Variants in XRCC3 observed in about 807,000 individuals in gnomAD.
XRCC3 encodes the protein DNA repair protein XRCC3.
Under a neutral mutation model 29.2 loss-of-function variants are expected in XRCC3, and 34 were observed. That is an observed-to-expected ratio of 1.16 (90% CI 0.88 to 1.55). The LOEUF is 1.55. Ranked by LOEUF, XRCC3 falls within the 40% of genes most tolerant of loss-of-function variation. XRCC3 has a pLI of 0.00. For synonymous variants in XRCC3, 223 were observed against 211.3 expected, an observed-to-expected ratio of 1.06 and a Z score of -0.48; for missense variants, 463 against 467.6, an observed-to-expected ratio of 0.99 and a Z score of 0.09.
At chr14:103,714,575 T>C (rs1057091819) in intron 1 of XRCC3, among the ~76,000 whole-genome samples, 6 of 152,006 alleles carry the variant, frequency 3.9e-5, no homozygotes, top group African/African-American at 1.4e-4. Flanking sequence ...AAGACGCCAC[T>C]GCACTCCACC....
At chr14:103,699,247 T>C in intron 8 of XRCC3, 68 bp from the exon 9 acceptor site, 5 of 1,540,116 alleles carry the variant, frequency 3.2e-6, no homozygotes, top group Non-Finnish European at 4.4e-6. Context: ...CACAGGCTGC[T>C]ACCCGCAGGA....
chr14:103,708,541 C>T lies in XRCC3; in HGVS notation c.174G>A (p.Arg58=). 5 of 1,614,070 alleles carry T rather than the reference C, an allele frequency of 3.1e-6. No individual in the cohort carries two copies. The highest frequency in any genetic ancestry group is 2.2e-5 in the East Asian group (1 of 44,874). Residue 58 remains arginine (R), a synonymous_variant, in exon 5 of 10, where the codon CGG becomes CGA. Coordinates refer to ENST00000555055, the MANE Select transcript of XRCC3 (RefSeq NM_005432.4). ...ACCTACCTGTAAGGATGCTGCTTCC[C>T]CGCAAGTGTAAGGAGGCCGTTCTCA... The part of the protein sequence containing the change: ...HLLRTASLHL[R]GSSILTALQL...
chr14:103,707,234 G>C lies in XRCC3; in HGVS notation c.194-19C>G, dbSNP rs1442363731. 6.5e-7 allele frequency: 1 copy of C among 1,548,286 alleles called. No homozygotes were observed. The highest frequency in any genetic ancestry group is 8.7e-7 in the Non-Finnish European group (1 of 1,146,602). On this transcript the variant is annotated intron_variant, in intron 5 of 9. Coordinates refer to ENST00000555055, the MANE Select transcript of XRCC3 (RefSeq NM_005432.4). ...TGCAGTGCTAAAGGGCAGGGATAGT[G>C]TCAGGCCTGACTCTCCTGGGCCTGC...
At chr14:103,700,366 T>C (rs1020075391) in intron 7 of XRCC3, 3 of 384,910 alleles carry the variant, frequency 7.8e-6, no homozygotes, top group Admixed American at 4.6e-5. Context: ...TGCCGTGGCC[T>C]GTGGGTGCCA....
At chr14:103,714,999 C>G (rs913846814) in intron 1 of XRCC3, among the ~76,000 whole-genome samples, 7 of 152,224 alleles carry the variant, frequency 4.6e-5, no homozygotes, top group African/African-American at 1.7e-4. Flanking sequence ...GATTTTCTTT[C>G]CAAATCAAAG....
chr14:103,700,872 C>T (rs1225272385), intron 7 of XRCC3: 1 of 694,932 alleles, frequency 1.4e-6, no homozygotes, highest in Non-Finnish European at 2.3e-6. Context: ...GGGCTTGGCT[C>T]AGGGTCCCCA....
At chr14:103,706,665 G>A (rs1053917317) in intron 6 of XRCC3, 29 of 415,638 alleles carry the variant, frequency 7.0e-5, no homozygotes, top group African/African-American at 4.1e-4. Context: ...CCCTCCCTGC[G>A]TTGCTGGCTC....
chr14:103,708,157 G>A (rs1488179533), intron 5 of XRCC3: 3 of 368,776 alleles, frequency 8.1e-6, no homozygotes, highest in Non-Finnish European at 1.6e-5. Flanking sequence ...TTTCCCACAC[G>A]TGGTGGTGGG....
chr14:103,698,626 G>A lies in XRCC3; in HGVS notation c.*172C>T, dbSNP rs933918150. 6.0e-6 allele frequency: 4 copies of A among 664,760 alleles called. No homozygotes were observed. The highest frequency in any genetic ancestry group is 5.3e-5 in the South Asian group (3 of 56,440). 41.2% of individuals were successfully genotyped at this position (664,760 alleles called of 1,614,324 possible). On this transcript the variant is annotated 3_prime_UTR_variant, in exon 10 of 10. Coordinates refer to ENST00000555055, the MANE Select transcript of XRCC3 (RefSeq NM_005432.4). ...CAGAACATCCCCCCAGCTCAGATGG[G>A]GGTCAGTCTGTGGCCACCATCTTCG... is the stretch of plus-strand genomic sequence containing the variant.
chr14:103,706,570 TC>T (rs2151937351), intron 6 of XRCC3: 1 of 380,708 alleles, frequency 2.6e-6, no homozygotes, highest in Admixed American at 3.3e-5. Flanking sequence ...AACCCTCGTT[TC>T]ACAGACAGAG....
At chr14:103,703,438 G>A in intron 6 of XRCC3, 111 bp from the exon 7 acceptor site, 1 of 1,308,992 alleles carries the variant, frequency 7.6e-7, no homozygotes, top group South Asian at 1.3e-5. Flanking sequence ...GCCCCTCACA[G>A]GTTCTTTGCC....
chr14:103,705,759 C>T (rs1313841668), intron 6 of XRCC3: 1 of 155,498 alleles, frequency 6.4e-6, no homozygotes, highest in Admixed American at 6.3e-5. Context: ...GTGGGCTTCA[C>T]TGAAAAGGCC....
At chr14:103,710,944 A>G in intron 4 of XRCC3, 89 bp downstream of exon 4, 1 of 1,353,348 alleles carries the variant, frequency 7.4e-7, no homozygotes, top group Middle Eastern at 1.8e-4. Context: ...AAAGGAAGGA[A>G]GGCTTAGCCA....
At chr14:103,708,287 G>A in intron 5 of XRCC3, 1 of 600,740 alleles carries the variant, frequency 1.7e-6, no homozygotes, top group Non-Finnish European at 2.9e-6. Context: ...CATGGAGCAA[G>A]GTCCCCAGGA....
rs1406888523 is a variant in XRCC3 at position 103,699,252 on chromosome 14, G to C, written c.775-73C>G. 2.6e-6 allele frequency: 4 copies of C among 1,539,340 alleles called. No homozygotes were observed. The East Asian group carries it at 9.8e-5, about 38-fold the overall frequency. Reference sequence around the variant, plus strand: ...GATGGTTAGGCACAGGCTGCTACCCGCAGGAGCCGGAGGCCACCTCACTGC... The same window carrying C: ...GATGGTTAGGCACAGGCTGCTACCCCCAGGAGCCGGAGGCCACCTCACTGC... On this transcript the variant is annotated intron_variant, in intron 8 of 9. Transcript: ENST00000555055.
At chr14:103,710,909 C>T in intron 4 of XRCC3, 124 bp downstream of exon 4, 2 of 898,920 alleles carry the variant, frequency 2.2e-6, no homozygotes, top group Admixed American at 2.0e-5. Context: ...TACATCCCGC[C>T]CTCGGTTTAA....
At chr14:103,700,116 GC>G in intron 7 of XRCC3, 1 of 208,640 alleles carries the variant, frequency 4.8e-6, no homozygotes, top group Non-Finnish European at 9.8e-6. Flanking sequence ...GTCAGGCCTG[GC>G]CTGCCTCTGC....
chr14:103,714,164 C>CCTCCTCCCCT (rs549621276), intron 1 of XRCC3: 2 of 152,412 alleles, frequency 1.3e-5, no homozygotes, highest in Non-Finnish European at 2.9e-5. Flanking sequence ...GGTGTCTTCA[C>CCTCCTCCCCT]CTCCTCCCCT....
At position 103,697,947 on chromosome 14, in the gene XRCC3, C is replaced by T. The variant is rs1282937482; in HGVS notation, c.*851G>A. On this transcript the variant is annotated 3_prime_UTR_variant, in exon 10 of 10. Transcript: ENST00000555055. ...CTACCAGAATACCACCCAGCCAGGC[C>T]AGGGCTGAGCTGGACGCCCAGACCC... 1 of 152,580 alleles carries T rather than the reference C, an allele frequency of 6.6e-6. No homozygotes were observed. Among genetic ancestry groups the T allele is most frequent in the Non-Finnish European group, 1.5e-5 (1 of 68,384 alleles). The allele number at this position is 152,580 out of a possible 1,614,324, so 9.5% of individuals were successfully genotyped here. A position where few individuals can be genotyped will look rare whatever the true frequency, so the allele number is the denominator to read the frequency against.
Sources: gnomAD v4.1 joint callset for allele counts (sites outside exome capture counted in the v4.1 genomes callset) on GRCh38, gnomAD v4.1.1 for gene constraint, MANE v1.5 for transcripts, NCBI Gene and HGNC (gene_info 2026-07-23, HGNC 2026-07-21) for gene names.